The following CDH18 variants were observed in gnomAD, a reference collection of about 807,000 sequenced individuals.
CDH18 encodes the protein cadherin 18.
CDH18 carries 31 observed loss-of-function variants against 67.9 expected under a neutral mutation model. The ratio of observed to expected loss-of-function variants is 0.46; its 90% CI spans 0.34 to 0.62. CDH18 has a LOEUF of 0.62. CDH18 is among the 20% of genes least tolerant of loss of function. The pLI is 0.01. For missense variants in CDH18, 890 were observed against 975.5 expected (o/e 0.91, Z 1.17); for synonymous variants, 362 against 347.2 (o/e 1.04, Z -0.48).
intron 1 of CDH18, among the ~76,000 whole-genome samples, chr5:20,371,436 T>C (rs1297586936): frequency 6.6e-6 from 1 of 152,076 alleles, no homozygotes; most frequent in Non-Finnish European, 1.5e-5. Flanking sequence ...TATGGAACAA[T>C]GGGAGACTTT....
chr5:20,145,141 C>T (rs1359389705), intron 2 of CDH18, among the ~76,000 whole-genome samples: 1 of 152,048 alleles, frequency 6.6e-6, no homozygotes, highest in East Asian at 1.9e-4. Flanking sequence ...AGAAAAAAAT[C>T]TAGCCCTTTT....
At chr5:19,812,213 A>T (rs2149901810) in intron 3 of CDH18, among the ~76,000 whole-genome samples, 1 of 152,274 alleles carries the variant, frequency 6.6e-6, no homozygotes, top group South Asian at 2.1e-4. Context: ...GTACAGTCAT[A>T]GTTCAGTAAA....
intron 1 of CDH18, among the ~76,000 whole-genome samples, chr5:20,370,303 T>C (rs1356289065): frequency 6.6e-6 from 1 of 152,118 alleles, no homozygotes; most frequent in Non-Finnish European, 1.5e-5. Context: ...TATGACTAAT[T>C]GATTTGTCAT....
chr5:20,218,785 C>T (rs1740985049), intron 2 of CDH18, among the ~76,000 whole-genome samples: 1 of 151,874 alleles, frequency 6.6e-6, no homozygotes, highest in Admixed American at 6.6e-5. Flanking sequence ...CTGAGGCCTC[C>T]CCAGCCAAGT....
chr5:20,171,655 T>C (rs767444025), intron 2 of CDH18, among the ~76,000 whole-genome samples: 14 of 152,024 alleles, frequency 9.2e-5, no homozygotes, highest in Non-Finnish European at 1.8e-4. Context: ...ATTTTCTCCC[T>C]TTCTGTAGGT....
In CDH18 at chr5:20,423,946, C is replaced by CAAAAAAAAAAAAAAAA. The variant is rs553723574; in HGVS notation, c.-580+151500_-580+151515dup. Among the ~76,000 whole-genome samples, 5 of 63,824 alleles carry CAAAAAAAAAAAAAAAA rather than the reference C, an allele frequency of 7.8e-5. 1 individual carries two copies. Among genetic ancestry groups the CAAAAAAAAAAAAAAAA allele is most frequent in the African/African-American group, 4.5e-4 (5 of 11,196 alleles). The allele number at this position is 63,824 out of a possible 152,430, so 41.9% of individuals were successfully genotyped here. A position where few individuals can be genotyped will look rare whatever the true frequency, so the allele number is the denominator to read the frequency against. ...TGGGCGACTGAGCGAGACTCCGTCT[C>CAAAAAAAAAAAAAAAA]AAAAAAAAAAAAAAAAAAAAAAAAA... On this transcript the variant is annotated intron_variant, in intron 1 of 14. Coordinates refer to the CDH18 transcript ENST00000507958.
chr5:19,847,045 T>C (rs570318799), intron 2 of CDH18, among the ~76,000 whole-genome samples: 82 of 152,244 alleles, frequency 5.4e-4, no homozygotes, highest in Non-Finnish European at 1.0e-3. Context: ...CACTTTTCTT[T>C]TGTTTCTTTC....
chr5:19,873,534 C>G (rs1023665422), intron 2 of CDH18, among the ~76,000 whole-genome samples: 16 of 152,166 alleles, frequency 1.1e-4, no homozygotes, highest in Non-Finnish European at 2.4e-4. Flanking sequence ...ATGACATATA[C>G]ATTCCCTAGT....
chr5:20,135,173 G>A (rs1749597739), intron 2 of CDH18, among the ~76,000 whole-genome samples: 2 of 152,072 alleles, frequency 1.3e-5, no homozygotes, highest in Admixed American at 1.3e-4. Flanking sequence ...ATTTCACAGT[G>A]ATTATTCTTC....
chr5:20,227,440 A>C (rs1287195259), intron 2 of CDH18, among the ~76,000 whole-genome samples: 1 of 152,100 alleles, frequency 6.6e-6, no homozygotes, highest in East Asian at 1.9e-4. Flanking sequence ...AAACACACAA[A>C]GATTCAATAA....
At chr5:20,482,744 C>CA (rs1262993411) in intron 1 of CDH18, among the ~76,000 whole-genome samples, 2 of 151,752 alleles carry the variant, frequency 1.3e-5, no homozygotes, top group South Asian at 2.1e-4. Flanking sequence ...TGAAAACTCT[C>CA]AAAAAAACTG....
At chr5:20,433,810 G>T (rs1748958087) in intron 1 of CDH18, among the ~76,000 whole-genome samples, 1 of 152,078 alleles carries the variant, frequency 6.6e-6, no homozygotes, top group African/African-American at 2.4e-5. Context: ...TTATGGCTGA[G>T]AATAGGTTCT....
At chr5:20,475,418 G>A (rs1752368617) in intron 1 of CDH18, among the ~76,000 whole-genome samples, 1 of 152,056 alleles carries the variant, frequency 6.6e-6, no homozygotes, top group Non-Finnish European at 1.5e-5. Context: ...TTTATAACAA[G>A]AGCAACAAAA....
chr5:20,144,853 C>G (rs1012348461), intron 2 of CDH18, among the ~76,000 whole-genome samples: 1 of 152,038 alleles, frequency 6.6e-6, no homozygotes, highest in Non-Finnish European at 1.5e-5. Flanking sequence ...AAAAGGGGGA[C>G]AACTGGACAG....
chr5:20,453,119 G>T (rs1303736196), intron 1 of CDH18, among the ~76,000 whole-genome samples: 2 of 152,126 alleles, frequency 1.3e-5, no homozygotes, highest in Non-Finnish European at 2.9e-5. Flanking sequence ...GGGGCCCCTT[G>T]CTCAAACCTG....
rs570055249 is a variant in CDH18, at chr5:20,128,600, T to C, written c.-518+126844A>G. Among the ~76,000 whole-genome samples, 92 of 152,218 alleles carry C rather than the reference T, an allele frequency of 6.0e-4. 2 individuals are homozygous for C. The highest frequency in any genetic ancestry group is 2.0e-3 in the African/African-American group (82 of 41,496). On this transcript the variant is annotated intron_variant, in intron 2 of 14. Coordinates refer to the CDH18 transcript ENST00000507958. ...CATTGTCCACACATTTCTCTATCTCTGACACAAATCAAAATGTGTTACCTT... is the reference window on the plus strand; with the variant it reads ...CATTGTCCACACATTTCTCTATCTCCGACACAAATCAAAATGTGTTACCTT...
At chr5:20,502,107 C>T (rs1397718288) in intron 1 of CDH18, among the ~76,000 whole-genome samples, 1 of 152,070 alleles carries the variant, frequency 6.6e-6, no homozygotes, top group Non-Finnish European at 1.5e-5. Flanking sequence ...CCAAATATTA[C>T]TAAATCTAGC....
At chr5:19,813,873 G>T (rs1436633795) in intron 3 of CDH18, among the ~76,000 whole-genome samples, 1 of 151,946 alleles carries the variant, frequency 6.6e-6, no homozygotes, top group Non-Finnish European at 1.5e-5. Context: ...AAAAATCTAT[G>T]ATTTTTTTGG....
chr5:19,492,135 G>C (rs1198481284), intron 11 of CDH18, among the ~76,000 whole-genome samples: 3 of 152,076 alleles, frequency 2.0e-5, no homozygotes, highest in African/African-American at 7.2e-5. Context: ...TGTAAACAGA[G>C]ATAGAAATGC....
Sources: gnomAD v4.1 joint callset for allele counts (sites outside exome capture counted in the v4.1 genomes callset) on GRCh38, gnomAD v4.1.1 for gene constraint, MANE v1.5 for transcripts, NCBI Gene and HGNC (gene_info 2026-07-23, HGNC 2026-07-21) for gene names.